Variants in GOLT1B observed in about 807,000 individuals in gnomAD.
GOLT1B encodes the protein golgi transport 1B.
Under a neutral mutation model 15.4 loss-of-function variants are expected in GOLT1B, and 3 were observed. The observed-to-expected ratio is 0.19, with a 90% CI of 0.09 to 0.50. The LOEUF is 0.50. GOLT1B is among the 20% of genes least tolerant of loss of function. The pLI is 0.97. For missense variants in GOLT1B, 145 were observed against 160.4 expected (o/e 0.90, Z 0.52); for synonymous variants, 65 against 56.2 (o/e 1.16, Z -0.70).
At position 21,512,382 on chromosome 12, in the gene GOLT1B, TA is replaced by T; in HGVS notation, c.378+8del. The T allele has an allele frequency of 7.8e-7, 1 of 1,283,750 alleles. No homozygotes were observed. The highest frequency in any genetic ancestry group is 1.1e-6 in the Non-Finnish European group (1 of 881,242). The allele number at this position is 1,283,750 out of a possible 1,614,324, so 79.5% of individuals were successfully genotyped here. On this transcript the variant is annotated splice_region_variant and intron_variant, in intron 4 of 4. Coordinates refer to ENST00000229314, the MANE Select transcript of GOLT1B (RefSeq NM_016072.5). ...ATTTACCTGGAATTAGATCAGTAAG[TA>T]ATCATGTATATTTTAGGCCAACAAA...
Position 21,516,725 on chromosome 12 carries a change from G to A in GOLT1B, c.*1018G>A, listed in dbSNP as rs1423570860. 1 of 151,844 alleles carries A rather than the reference G, an allele frequency of 6.6e-6. No homozygotes were observed. Among genetic ancestry groups the A allele is most frequent in the African/African-American group, 2.4e-5 (1 of 41,370 alleles). 9.4% of individuals were successfully genotyped at this position (151,844 alleles called of 1,614,324 possible). ...GGTTAAACTTATGGCTATTTTTAAA[G>A]GGCTATTCATTTAATCTGAGTTTTC... On this transcript the variant is annotated 3_prime_UTR_variant, in exon 5 of 5. Coordinates refer to ENST00000229314, the MANE Select transcript of GOLT1B (RefSeq NM_016072.5).
At chr12:21,510,977 C>T (rs112169804) in intron 3 of GOLT1B, among the ~76,000 whole-genome samples, 2 of 152,178 alleles carry the variant, frequency 1.3e-5, no homozygotes, top group Non-Finnish European at 1.5e-5. Context: ...TTCCCGATAT[C>T]GCAATCAGTT....
At chr12:21,514,571 T>C (rs976579832) in intron 4 of GOLT1B, among the ~76,000 whole-genome samples, 1 of 152,232 alleles carries the variant, frequency 6.6e-6, no homozygotes, top group African/African-American at 2.4e-5. Flanking sequence ...GAGCAACTTT[T>C]AGTTTCAGTG....
chr12:21,503,832 T>G lies in GOLT1B; in HGVS notation c.25+1884T>G, dbSNP rs564659857. ...CTGCTCAGAGTAGAATAAATGGAAA[T>G]TCATGATTATTTTAAGGCATTCTAG... On this transcript the variant is annotated intron_variant, in intron 1 of 4. Coordinates refer to ENST00000229314, the MANE Select transcript of GOLT1B (RefSeq NM_016072.5). Among the ~76,000 whole-genome samples the G allele has an allele frequency of 3.9e-4, 59 of 150,918 alleles. 1 individual carries two copies. Among genetic ancestry groups the G allele is most frequent in the Non-Finnish European group, 7.2e-4 (49 of 67,846 alleles).
intron 4 of GOLT1B, 147 bp downstream of exon 4, chr12:21,512,523 C>A: frequency 3.7e-6 from 2 of 540,508 alleles, no homozygotes; most frequent in East Asian, 3.0e-5. Flanking sequence ...ACCATGAAGA[C>A]CAAAAAATAA....
At chr12:21,508,748 A>G (rs1476004732) in intron 3 of GOLT1B, among the ~76,000 whole-genome samples, 187 bp downstream of exon 3, 4 of 152,232 alleles carry the variant, frequency 2.6e-5, no homozygotes, top group African/African-American at 9.6e-5. Context: ...ATGATTGCCT[A>G]ATGGTATAAA....
intron 3 of GOLT1B, among the ~76,000 whole-genome samples, chr12:21,509,396 CAAAAAAAAAAAAAAAAAA>C (rs71053318): frequency 2.7e-5 from 2 of 74,040 alleles, no homozygotes; most frequent in Non-Finnish European, 2.3e-5. Flanking sequence ...GACTCTGTCT[CAAAAAAAAAAAAAAAAAA>C]AAAAAAAAAA....
chr12:21,506,213 C>A lies in GOLT1B; in HGVS notation c.26-672C>A, dbSNP rs532705625. Among the ~76,000 whole-genome samples, 7 of 152,032 alleles carry A rather than the reference C, an allele frequency of 4.6e-5. No individual in the cohort carries two copies. The East Asian group carries it at 9.7e-4, about 21-fold the overall frequency. The stretch of plus-strand genomic sequence containing the variant: ...GGAGAGGTGATTTTAGGACTCTAGA[C>A]CAAATATTTAAGTAGATTTATAGTT... On this transcript the variant is annotated intron_variant, in intron 1 of 4. Coordinates refer to ENST00000229314, the MANE Select transcript of GOLT1B (RefSeq NM_016072.5).
intron 4 of GOLT1B, among the ~76,000 whole-genome samples, chr12:21,514,514 C>G (rs1379863283): frequency 6.6e-6 from 1 of 152,164 alleles, no homozygotes; most frequent in East Asian, 1.9e-4. Flanking sequence ...TGCTTTCTCT[C>G]CACTTAAATT....
chr12:21,512,659 G>T (rs1156477541), intron 4 of GOLT1B, among the ~76,000 whole-genome samples: 1 of 152,054 alleles, frequency 6.6e-6, no homozygotes, highest in African/African-American at 2.4e-5. Context: ...AGAGTTCAGG[G>T]CATTTTTTAT....
intron 1 of GOLT1B, among the ~76,000 whole-genome samples, chr12:21,503,856 A>G (rs926982032): frequency 1.3e-5 from 1 of 74,258 alleles, no homozygotes. Context: ...AAGGCATTCT[A>G]GGACTTTCCT....
chr12:21,513,722 G>C (rs192646841), intron 4 of GOLT1B, among the ~76,000 whole-genome samples: 29 of 152,254 alleles, frequency 1.9e-4, no homozygotes, highest in African/African-American at 6.3e-4. Flanking sequence ...GCTTGAACCA[G>C]GAGATCAAGG....
At chr12:21,514,964 T>C (rs1943745568) in intron 4 of GOLT1B, among the ~76,000 whole-genome samples, 1 of 149,258 alleles carries the variant, frequency 6.7e-6, no homozygotes, top group African/African-American at 2.5e-5. Context: ...ATATACAATA[T>C]CAGTCTTTAC....
intron 4 of GOLT1B, among the ~76,000 whole-genome samples, chr12:21,512,896 C>T (rs1468756332): frequency 6.6e-6 from 1 of 151,980 alleles, no homozygotes; most frequent in Non-Finnish European, 1.5e-5. Context: ...GAAACCCCAT[C>T]TCTACCCCCG....
At chr12:21,501,990 C>G (rs1943631220) in intron 1 of GOLT1B, 42 bp downstream of exon 1, 3 of 1,478,534 alleles carry the variant, frequency 2.0e-6, no homozygotes, top group African/African-American at 1.4e-5. Flanking sequence ...GCCGCGCACA[C>G]CCATCGCCCG....
intron 1 of GOLT1B, among the ~76,000 whole-genome samples, chr12:21,503,341 G>A (rs1420908740): frequency 6.6e-6 from 1 of 152,170 alleles, no homozygotes; most frequent in East Asian, 1.9e-4. Flanking sequence ...TGAGTGCATG[G>A]TCAAAGAAAA....
In GOLT1B at chr12:21,512,294, G is replaced by C; in HGVS notation, c.297-1G>C. The C allele has an allele frequency of 6.6e-7, 1 of 1,507,578 alleles. No homozygotes were observed. The highest frequency in any genetic ancestry group is 9.2e-7 in the Non-Finnish European group (1 of 1,086,834). The allele number at this position is 1,507,578 out of a possible 1,614,324, so 93.4% of individuals were successfully genotyped here. A position where few individuals can be genotyped will look rare whatever the true frequency, so the allele number is the denominator to read the frequency against. On this transcript the variant is annotated splice_acceptor_variant, in intron 3 of 4. Coordinates refer to ENST00000229314, the MANE Select transcript of GOLT1B (RefSeq NM_016072.5). LOFTEE classifies it high-confidence loss of function. ...AAGAACCTTTTTTTTCCCTCTCCCA[G>C]GGGCTTCTTTCCTGTCGTTGTTGGC... is the stretch of plus-strand genomic sequence containing the variant.
rs753156989 is a variant in GOLT1B at position 21,512,387 on chromosome 12, A to G, written c.378+11A>G. The G allele has an allele frequency of 4.7e-6, 6 of 1,265,914 alleles. No homozygotes were observed. Among genetic ancestry groups the G allele is most frequent in the Admixed American group, 3.5e-5 (2 of 57,954 alleles). The allele number at this position is 1,265,914 out of a possible 1,614,324, so 78.4% of individuals were successfully genotyped here. A position where few individuals can be genotyped will look rare whatever the true frequency, so the allele number is the denominator to read the frequency against. On this transcript the variant is annotated intron_variant, in intron 4 of 4. Coordinates refer to ENST00000229314, the MANE Select transcript of GOLT1B (RefSeq NM_016072.5). The stretch of plus-strand genomic sequence containing the variant: ...CCTGGAATTAGATCAGTAAGTAATC[A>G]TGTATATTTTAGGCCAACAAAATAC...
chr12:21,503,397 C>T (rs1943654330), intron 1 of GOLT1B, among the ~76,000 whole-genome samples: 1 of 152,170 alleles, frequency 6.6e-6, no homozygotes, highest in East Asian at 1.9e-4. Flanking sequence ...GCTCAGAAAC[C>T]TTTTGCACTG....
Sources: allele counts gnomAD v4.1 joint callset (sites outside exome capture counted in the v4.1 genomes callset), GRCh38; gene constraint gnomAD v4.1.1; transcripts MANE v1.5; gene names NCBI Gene and HGNC (gene_info 2026-07-23, HGNC 2026-07-21).